Variants in TSPAN4 observed in about 807,000 individuals in gnomAD.
TSPAN4 encodes the protein tetraspanin-4.
A neutral mutation model predicts 31.5 loss-of-function variants in TSPAN4; 38 were observed. The observed-to-expected ratio is 1.21, with a 90% confidence interval of 0.93 to 1.58. The LOEUF (loss-of-function observed/expected upper bound fraction) is 1.58, where lower values mean the gene tolerates loss of function less well. Ranked by LOEUF, TSPAN4 falls within the 40% of genes most tolerant of loss-of-function variation. The pLI is 0.00. For missense variants in TSPAN4, 330 were observed against 317.3 expected, an observed-to-expected ratio of 1.04 and a Z score of -0.30; for synonymous variants, 186 against 144.6, an observed-to-expected ratio of 1.29 and a Z score of -2.06.
At chr11:849,136 C>T (rs1468278362) in intron 2 of TSPAN4, among the ~76,000 whole-genome samples, 2 of 152,018 alleles carry the variant, frequency 1.3e-5, no homozygotes, top group African/African-American at 2.4e-5. Context: ...GGGGACAGCA[C>T]GGGGCGGAGG....
At position 866,477 on chromosome 11, in the gene TSPAN4, G is replaced by A. The variant is rs1419940863; in HGVS notation, c.649-85G>A. 4.5e-6 allele frequency: 6 copies of A among 1,326,066 alleles called. No homozygotes were observed. In the Admixed American group the frequency reaches 8.7e-5, roughly 19 times the overall value. 82.1% of individuals were successfully genotyped at this position (1,326,066 alleles called of 1,614,324 possible). ...CCCTGGGGTCGGGGTCAGGGCCAGG[G>A]CACCTGCTGAGGACAGGGACTGCTC... On this transcript the variant is annotated intron_variant, in intron 8 of 8. Coordinates refer to ENST00000397397, the MANE Select transcript of TSPAN4 (RefSeq NM_003271.5).
chr11:864,955 G>C (rs529963505), intron 5 of TSPAN4: 122 of 199,124 alleles, frequency 6.1e-4, no homozygotes, highest in African/African-American at 2.8e-3. Flanking sequence ...TTTGTTTTGT[G>C]AATCACACTG....
At chr11:846,822 G>A (rs866700993) in intron 1 of TSPAN4, among the ~76,000 whole-genome samples, 4 of 152,202 alleles carry the variant, frequency 2.6e-5, no homozygotes, top group African/African-American at 9.7e-5. Flanking sequence ...GCACTGCTGC[G>A]TGTCTGTGTG....
At chr11:853,314 T>G (rs1257745498) in intron 3 of TSPAN4, among the ~76,000 whole-genome samples, 2 of 152,048 alleles carry the variant, frequency 1.3e-5, no homozygotes, top group Non-Finnish European at 2.9e-5. Flanking sequence ...ATGCAGACCC[T>G]CCAAGGCCCT....
At chr11:851,659 G>A (rs967071209) in intron 3 of TSPAN4, among the ~76,000 whole-genome samples, 3 of 152,098 alleles carry the variant, frequency 2.0e-5, no homozygotes, top group African/African-American at 7.2e-5. Flanking sequence ...GTGAGGCCCA[G>A]GCCTGAGGGG....
chr11:852,978 G>A lies in TSPAN4; in HGVS notation c.63+2611G>A, dbSNP rs7933125. On this transcript the variant is annotated intron_variant, in intron 3 of 8. Coordinates refer to ENST00000397397, the MANE Select transcript of TSPAN4 (RefSeq NM_003271.5). The stretch of plus-strand genomic sequence containing the variant: ...CAGTGGGCAGCCAGTGACCAGAGCC[G>A]TGGGCAGTGGTGGGAGCCGGGGTGG... Among the ~76,000 whole-genome samples, 1,139 of 152,306 alleles carry A rather than the reference G, an allele frequency of 7.5e-3. 20 individuals are homozygous for A. The highest frequency in any genetic ancestry group is 0.026 in the African/African-American group (1,093 of 41,558).
At chr11:855,935 A>G (rs28457608) in intron 3 of TSPAN4, among the ~76,000 whole-genome samples, 151,241 of 152,336 alleles carry the variant, frequency 0.99, 75,087 homozygotes, top group Middle Eastern at 1. Context: ...CCGCATGGCC[A>G]GAGGGGCAGT....
chr11:864,352 G>A (rs568393052), intron 4 of TSPAN4, 85 bp from the exon 5 acceptor site: 1 of 1,531,700 alleles, frequency 6.5e-7, no homozygotes, highest in Non-Finnish European at 9.0e-7. Flanking sequence ...GTATCCATGA[G>A]GTACGTGGCC....
chr11:865,838 C>T lies in TSPAN4; in HGVS notation c.564+13C>T, dbSNP rs770954848. 3 of 1,612,132 alleles carry T rather than the reference C, an allele frequency of 1.9e-6. No homozygotes were observed. In the African/African-American group the frequency reaches 4.0e-5, roughly 22 times the overall value. On this transcript the variant is annotated intron_variant, in intron 7 of 8. Coordinates refer to ENST00000397397, the MANE Select transcript of TSPAN4 (RefSeq NM_003271.5). ...CTGGTGGAAGGCGGTGAGTGAGACC[C>T]CCACCCTGGGGGCTGGTAGGGGCCT...
chr11:846,242 A>C (rs1847316452), intron 1 of TSPAN4, among the ~76,000 whole-genome samples: 1 of 152,208 alleles, frequency 6.6e-6, no homozygotes, highest in Non-Finnish European at 1.5e-5. Context: ...CTCCACGGGC[A>C]TGGCACCCAG....
rs1289410717 is a variant in TSPAN4 at position 848,141 on chromosome 11, A to C, written c.-18+841A>C. On this transcript the variant is annotated intron_variant, in intron 2 of 8. Transcript: ENST00000397397. The surrounding 1 kb of genome is among the most constrained non-coding windows in gnomAD (Gnocchi z 5.7). Reference sequence around the variant, plus strand: ...GCCCTCAGGTTGCACCTGCGTGGCCAGGGGAAGGGGGCCGGGCGCCATCTG... The same window carrying C: ...GCCCTCAGGTTGCACCTGCGTGGCCCGGGGAAGGGGGCCGGGCGCCATCTG... 6.6e-6 allele frequency among the ~76,000 whole-genome samples: 1 copy of C among 152,202 alleles called. No individual in the cohort carries two copies. The highest frequency in any genetic ancestry group is 1.5e-5 in the Non-Finnish European group (1 of 68,014).
intron 2 of TSPAN4, among the ~76,000 whole-genome samples, chr11:847,530 G>T (rs117443497): frequency 0.039 from 5,985 of 152,160 alleles, 152 homozygotes; most frequent in Non-Finnish European, 0.052. Flanking sequence ...ACTGTGCCTT[G>T]CCCGGGCCCC....
intron 3 of TSPAN4, 180 bp from the exon 4 acceptor site, chr11:862,370 A>G (rs1484394750): frequency 1.7e-6 from 1 of 577,784 alleles, no homozygotes; most frequent in African/African-American, 1.9e-5. Context: ...GTGTCGGGAA[A>G]GACTGGCCTG....
chr11:853,128 G>A (rs1395634850), intron 3 of TSPAN4, among the ~76,000 whole-genome samples: 1 of 152,028 alleles, frequency 6.6e-6, no homozygotes, highest in African/African-American at 2.4e-5. Flanking sequence ...GGGTTGGGGG[G>A]CTGGGAGTGG....
At chr11:844,070 C>G (rs1332893152) in intron 1 of TSPAN4, 2 of 152,366 alleles carry the variant, frequency 1.3e-5, no homozygotes, top group African/African-American at 4.8e-5. Context: ...ACCCCCTCCC[C>G]CCAGGATGAG....
Position 866,867 on chromosome 11 carries a change from A to T in TSPAN4, c.*237A>T. 8.5e-6 allele frequency: 4 copies of T among 470,520 alleles called. No homozygotes were observed. The highest frequency in any genetic ancestry group is 4.0e-5 in the African/African-American group (2 of 49,906). The allele number at this position is 470,520 out of a possible 1,614,324, so 29.1% of individuals were successfully genotyped here. On this transcript the variant is annotated 3_prime_UTR_variant, in exon 9 of 9. Transcript: ENST00000397397. ...ACGTGCTGGCTGCGGAACCCAGGGCAGGGGTGGGAGGGGCCTCCAGCACTT... is the reference window on the plus strand; with the variant it reads ...ACGTGCTGGCTGCGGAACCCAGGGCTGGGGTGGGAGGGGCCTCCAGCACTT...
At chr11:861,108 G>A (rs2134050516) in intron 3 of TSPAN4, among the ~76,000 whole-genome samples, 1 of 152,252 alleles carries the variant, frequency 6.6e-6, no homozygotes, top group East Asian at 1.9e-4. Context: ...GGCCTTGCTG[G>A]GCCAGCAGCC....
intron 3 of TSPAN4, chr11:862,258 G>A (rs911250371): frequency 4.7e-6 from 2 of 425,270 alleles, no homozygotes; most frequent in Non-Finnish European, 4.2e-6. Context: ...CCAGGCCAGG[G>A]GTTGGGCGGA....
At chr11:850,051 A>G (rs1487406307) in intron 2 of TSPAN4, 1 of 298,646 alleles carries the variant, frequency 3.3e-6, no homozygotes, top group Non-Finnish European at 6.2e-6. Flanking sequence ...AGCACGGACG[A>G]GTCCACGTAC....
Sources: gnomAD v4.1 joint callset for allele counts (sites outside exome capture counted in the v4.1 genomes callset) on GRCh38, gnomAD v4.1.1 for gene constraint, Gnocchi (gnomAD v3.1) non-coding constraint, MANE v1.5 for transcripts, NCBI Gene and HGNC (gene_info 2026-07-23, HGNC 2026-07-21) for gene names.